Variants in ZDHHC15 observed in about 807,000 individuals in gnomAD.
The protein encoded by ZDHHC15 is palmitoyltransferase ZDHHC15.
A neutral mutation model predicts 31.7 loss-of-function variants in ZDHHC15; 19 were observed. The observed-to-expected ratio is 0.60, with a 90% CI of 0.42 to 0.88. The LOEUF (loss-of-function observed/expected upper bound fraction) is 0.88, where lower values mean the gene tolerates loss of function less well. Among genes scored for constraint, ZDHHC15 ranks in the 40% least tolerant of loss-of-function variants. The probability of loss-of-function intolerance (pLI) is 0.00; values close to 1 mark genes in which losing one functional copy is unlikely to be tolerated. For missense variants in ZDHHC15, 209 were observed against 251.2 expected, an observed-to-expected ratio of 0.83 and a Z score of 1.14; for synonymous variants, 103 against 90.0, an observed-to-expected ratio of 1.14 and a Z score of -0.82.
chrX:75,469,837 C>T (rs186298772), intron 3 of ZDHHC15, among the ~76,000 whole-genome samples: 1 of 111,947 alleles, frequency 8.9e-6, no homozygotes, highest in Non-Finnish European at 1.9e-5. Flanking sequence ...ACCATTCCCA[C>T]CAACAGCCTT....
At chrX:75,404,310 G>A (rs1164580136) in intron 10 of ZDHHC15, among the ~76,000 whole-genome samples, 1 of 111,881 alleles carries the variant, frequency 8.9e-6, no homozygotes, top group Non-Finnish European at 1.9e-5. Context: ...CCTGGACACA[G>A]GAATGGATAA....
At chrX:75,423,292 G>C (rs942469246) in intron 8 of ZDHHC15, among the ~76,000 whole-genome samples, 3 of 107,831 alleles carry the variant, frequency 2.8e-5, no homozygotes, top group Non-Finnish European at 5.7e-5. Context: ...TTGTCACCCA[G>C]GTACTAAGCA....
At chrX:75,412,333 A>T (rs964125198) in intron 10 of ZDHHC15, among the ~76,000 whole-genome samples, 1 of 112,174 alleles carries the variant, frequency 8.9e-6, no homozygotes, top group Non-Finnish European at 1.9e-5. Context: ...CATGTTTACC[A>T]CAGAATTATT....
At chrX:75,392,444 A>G (rs2083255410) in intron 10 of ZDHHC15, among the ~76,000 whole-genome samples, 1 of 111,958 alleles carries the variant, frequency 8.9e-6, no homozygotes, top group Non-Finnish European at 1.9e-5. Context: ...TCACATAAAT[A>G]CCCAGGATCA....
chrX:75,395,445 C>T (rs2083289292), intron 10 of ZDHHC15, among the ~76,000 whole-genome samples: 1 of 111,165 alleles, frequency 9.0e-6, no homozygotes. Context: ...GAAAGTAACC[C>T]CCTTCACAAT....
chrX:75,502,130 G>C (rs750565712), intron 2 of ZDHHC15: 1 of 111,856 alleles, frequency 8.9e-6, no homozygotes, highest in South Asian at 3.7e-4. Context: ...CAATTCTGGA[G>C]GTTAGAAGTC....
chrX:75,495,256 G>A (rs923266578), intron 2 of ZDHHC15, among the ~76,000 whole-genome samples: 5 of 111,631 alleles, frequency 4.5e-5, no homozygotes, highest in African/African-American at 1.6e-4. Flanking sequence ...AGTTAGAATG[G>A]CGATCATTAA....
At chrX:75,415,620 TTTC>T (rs1405297169) in intron 10 of ZDHHC15, among the ~76,000 whole-genome samples, 1 of 112,234 alleles carries the variant, frequency 8.9e-6, no homozygotes, top group Non-Finnish European at 1.9e-5. Flanking sequence ...TCAATTTTAG[TTTC>T]TTAATTATAA....
chrX:75,469,035 T>C (rs2084459438), intron 3 of ZDHHC15, among the ~76,000 whole-genome samples: 1 of 91,924 alleles, frequency 1.1e-5, no homozygotes, highest in Admixed American at 1.3e-4. Context: ...TTGATAGTGT[T>C]GTTTGATGTA....
intron 3 of ZDHHC15, among the ~76,000 whole-genome samples, chrX:75,472,865 A>T (rs2084525524): frequency 8.9e-6 from 1 of 112,395 alleles, no homozygotes; most frequent in Non-Finnish European, 1.9e-5. Context: ...AACACTCAGC[A>T]TTCAAACTGG....
At chrX:75,488,722 T>G (rs2084817968) in intron 2 of ZDHHC15, among the ~76,000 whole-genome samples, 1 of 111,885 alleles carries the variant, frequency 8.9e-6, no homozygotes, top group African/African-American at 3.3e-5. Context: ...CAGGTTCATC[T>G]CACTGGGGAG....
intron 2 of ZDHHC15, among the ~76,000 whole-genome samples, chrX:75,489,521 G>A (rs1787633952): frequency 8.9e-6 from 1 of 112,158 alleles, no homozygotes; most frequent in Non-Finnish European, 1.9e-5. Flanking sequence ...CAGACCTGCA[G>A]CTGAGGGTCC....
At position 75,370,001 on chromosome X, in the gene ZDHHC15, C is replaced by T. The variant is rs773042787; in HGVS notation, c.*2977G>A. On this transcript the variant is annotated 3_prime_UTR_variant, in exon 12 of 12. Transcript: ENST00000373367. ...TTTTTATTCTGTCTCTTTCTGAGGA[C>T]GCTGTTGGAGTGAATGGAAGAACAT... The T allele has an allele frequency of 1.8e-5, 2 of 111,404 alleles. No homozygotes were observed. The highest frequency in any genetic ancestry group is 3.8e-4 in the South Asian group (1 of 2,638). 9.2% of individuals were successfully genotyped at this position (111,404 alleles called of 1,213,427 possible). A position where few individuals can be genotyped will look rare whatever the true frequency, so the allele number is the denominator to read the frequency against.
intron 2 of ZDHHC15, among the ~76,000 whole-genome samples, chrX:75,492,027 G>A (rs756347858): frequency 1.8e-5 from 2 of 111,486 alleles, no homozygotes; most frequent in Non-Finnish European, 3.8e-5. Flanking sequence ...ACCCATCAGT[G>A]TGCTGTATTC....
chrX:75,453,351 A>G (rs1023741743), intron 3 of ZDHHC15, among the ~76,000 whole-genome samples: 2 of 111,668 alleles, frequency 1.8e-5, no homozygotes, highest in African/African-American at 6.5e-5. Flanking sequence ...AAGAAGCTGA[A>G]TCTCTGAATA....
chrX:75,430,060 A>G, intron 5 of ZDHHC15, 80 bp from the exon 6 acceptor site: 2 of 1,058,629 alleles, frequency 1.9e-6, no homozygotes, highest in Non-Finnish European at 2.6e-6. Flanking sequence ...TCAAGGTTTC[A>G]CCAGTATTTT....
chrX:75,474,813 T>G (rs1414599671), intron 3 of ZDHHC15, among the ~76,000 whole-genome samples: 2 of 110,193 alleles, frequency 1.8e-5, no homozygotes, highest in Admixed American at 9.8e-5. Flanking sequence ...ATCCCAGCAC[T>G]TTGGGAGGCC....
rs35704680 is a variant in ZDHHC15 at position 75,373,926 on chromosome X, G to GTTTTTTTTTTTTTTTTTTTT, written c.*33-1001_*33-982dup. The stretch of plus-strand genomic sequence containing the variant: ...ATACTAGGTCTTATTCATTCTTTCT[G>GTTTTTTTTTTTTTTTTTTTT]TTTTTTTTTTTTTTTTTTTTTTGTA... On this transcript the variant is annotated intron_variant, in intron 11 of 11. Coordinates refer to ENST00000373367, the MANE Select transcript of ZDHHC15 (RefSeq NM_144969.3). Among the ~76,000 whole-genome samples, 5 of 50,459 alleles carry GTTTTTTTTTTTTTTTTTTTT rather than the reference G, an allele frequency of 9.9e-5. 1 individual carries two copies. The highest frequency in any genetic ancestry group is 6.8e-4 in the Admixed American group (2 of 2,958). 43.8% of individuals were successfully genotyped at this position (50,459 alleles called of 115,157 possible). A position where few individuals can be genotyped will look rare whatever the true frequency, so the allele number is the denominator to read the frequency against.
intron 10 of ZDHHC15, among the ~76,000 whole-genome samples, chrX:75,390,883 T>C (rs757089033): frequency 7.2e-5 from 8 of 111,516 alleles, no homozygotes; most frequent in Non-Finnish European, 1.3e-4. Context: ...TTAAGCATAA[T>C]GACCAATCTC....
Sources: allele counts gnomAD v4.1 joint callset (sites outside exome capture counted in the v4.1 genomes callset), GRCh38; gene constraint gnomAD v4.1.1; transcripts MANE v1.5; gene names NCBI Gene and HGNC (gene_info 2026-07-23, HGNC 2026-07-21).